CLRN1: variants seen among roughly 807,000 people sequenced by gnomAD.
The protein encoded by CLRN1 is clarin 1, also known as clarin-1.
In CLRN1, 15 loss-of-function variants were observed where a neutral mutation model predicts 18.7. The ratio of observed to expected loss-of-function variants is 0.80; its 90% confidence interval spans 0.54 to 1.23. The LOEUF is 1.23. Among genes scored for constraint, CLRN1 ranks in the 50% most tolerant of loss-of-function variants. The probability of loss-of-function intolerance (pLI) is 0.00; values close to 1 mark genes in which losing one functional copy is unlikely to be tolerated. For synonymous variants in CLRN1, 104 were observed against 102.9 expected, an observed-to-expected ratio of 1.01 and a Z score of -0.07; for missense variants, 311 against 277.5, an observed-to-expected ratio of 1.12 and a Z score of -0.86.
intron 2 of CLRN1, among the ~76,000 whole-genome samples, chr3:150,937,584 T>C (rs1270517522): frequency 6.8e-6 from 1 of 147,872 alleles, no homozygotes; most frequent in Non-Finnish European, 1.5e-5. Flanking sequence ...AAATGAACTA[T>C]GGGGGATGAT....
intron 1 of CLRN1, among the ~76,000 whole-genome samples, chr3:150,967,207 A>G (rs1715303368): frequency 6.6e-6 from 1 of 152,212 alleles, no homozygotes; most frequent in Non-Finnish European, 1.5e-5. Flanking sequence ...CTTGGGGATT[A>G]AGATCTCCTT....
chr3:150,928,333 G>T, intron 2 of CLRN1, 132 bp from the exon 3 acceptor site: 1 of 1,146,494 alleles, frequency 8.7e-7, no homozygotes, highest in Non-Finnish European at 1.2e-6. Context: ...AAAAATTATT[G>T]CATATTTGTA....
At chr3:150,947,739 C>A (rs530513985) in intron 1 of CLRN1, among the ~76,000 whole-genome samples, 47 of 152,260 alleles carry the variant, frequency 3.1e-4, no homozygotes, top group African/African-American at 9.9e-4. Flanking sequence ...GAAGTCAAGA[C>A]TAAGAAAATC....
At chr3:150,966,910 G>A (rs1363032798) in intron 1 of CLRN1, among the ~76,000 whole-genome samples, 3 of 152,118 alleles carry the variant, frequency 2.0e-5, no homozygotes, top group Non-Finnish European at 4.4e-5. Context: ...CTAGAACAGC[G>A]AGCCCCTCGT....
intron 1 of CLRN1, among the ~76,000 whole-genome samples, chr3:150,956,829 A>G (rs1209011809): frequency 2.0e-5 from 3 of 152,132 alleles, no homozygotes; most frequent in Non-Finnish European, 4.4e-5. Context: ...CCCTTGTCAG[A>G]TATTCCAAAC....
At chr3:150,939,919 T>A (rs1713713972) in intron 2 of CLRN1, among the ~76,000 whole-genome samples, 1 of 152,202 alleles carries the variant, frequency 6.6e-6, no homozygotes, top group South Asian at 2.1e-4. Context: ...GCAAAGCCCT[T>A]GGCCTTTGTT....
chr3:150,945,567 C>T (rs957437351), intron 1 of CLRN1: 9 of 1,286,912 alleles, frequency 7.0e-6, no homozygotes, highest in Non-Finnish European at 9.1e-6. Context: ...GGAGCATCCT[C>T]TTCGTAAATA....
intron 2 of CLRN1, among the ~76,000 whole-genome samples, chr3:150,935,733 A>G (rs1319981431): frequency 6.6e-6 from 1 of 151,402 alleles, no homozygotes; most frequent in Non-Finnish European, 1.5e-5. Flanking sequence ...GACTTCCCCA[A>G]TGGTTGAACT....
chr3:150,963,260 T>A (rs1400361763), intron 1 of CLRN1, among the ~76,000 whole-genome samples: 1 of 152,176 alleles, frequency 6.6e-6, no homozygotes, highest in African/African-American at 2.4e-5. Flanking sequence ...AGCATTCCTA[T>A]ACACCAATAA....
chr3:150,949,145 A>G (rs1714344846), intron 1 of CLRN1, among the ~76,000 whole-genome samples: 1 of 152,246 alleles, frequency 6.6e-6, no homozygotes, highest in African/African-American at 2.4e-5. Context: ...AAGACTTTTA[A>G]TAAAATTAAA....
At chr3:150,931,756 C>G (rs1713160577) in intron 2 of CLRN1, among the ~76,000 whole-genome samples, 1 of 152,180 alleles carries the variant, frequency 6.6e-6, no homozygotes, top group South Asian at 2.1e-4. Context: ...TCCTACATGT[C>G]TCTCTCCTCT....
At chr3:150,966,812 A>G (rs891387024) in intron 1 of CLRN1, among the ~76,000 whole-genome samples, 1 of 152,208 alleles carries the variant, frequency 6.6e-6, no homozygotes, top group Non-Finnish European at 1.5e-5. Flanking sequence ...CAGCATGTCT[A>G]ATGATGGTGG....
At position 150,968,885 on chromosome 3, in the gene CLRN1, G is replaced by A. The variant is rs117566055; in HGVS notation, c.253+3571C>T. 4.4e-4 allele frequency among the ~76,000 whole-genome samples: 67 copies of A among 152,178 alleles called. No individual in the cohort carries two copies. In the East Asian group the frequency reaches 0.011, roughly 25 times the overall value. The stretch of plus-strand genomic sequence containing the variant: ...CCAGACACTGCATATATTCCTGGCT[G>A]GTGTCTACCATACTTAGGGACCTCC... On this transcript the variant is annotated intron_variant, in intron 1 of 2. Coordinates refer to ENST00000327047, the MANE Select transcript of CLRN1 (RefSeq NM_174878.3).
intron 1 of CLRN1, chr3:150,944,057 G>A (rs1333261078): frequency 3.9e-6 from 3 of 769,560 alleles, no homozygotes; most frequent in Admixed American, 2.2e-5. Flanking sequence ...TAGGGTAATG[G>A]GATTTTGAGT....
chr3:150,936,025 A>G (rs1226716100), intron 2 of CLRN1, among the ~76,000 whole-genome samples: 3 of 151,638 alleles, frequency 2.0e-5, no homozygotes, highest in Non-Finnish European at 2.9e-5. Flanking sequence ...GTTTGAGTTC[A>G]CTGTAGATTC....
In CLRN1 at chr3:150,928,126, T is replaced by C. The variant is rs894160375; in HGVS notation, c.509A>G (p.Asn170Ser). ...GTAGACATAAGTCCCTTCTTTATAATTTGCAATTTTTTCTGAGAGGTGATG... is the reference window on the plus strand; with the variant it reads ...GTAGACATAAGTCCCTTCTTTATAACTTGCAATTTTTTCTGAGAGGTGATG... ...KIHHLSEKIA[N>S]YKEGTYVYKT... The change falls in exon 3 of 3, where the codon AAT (asparagine) becomes AGT (serine). Residue 170 changes from asparagine (N) to serine (S), a missense_variant. Physicochemically the swap from Asn to Ser is conservative, Grantham distance 46. Transcript: ENST00000327047. The C allele has an allele frequency of 3.1e-6, 5 of 1,613,374 alleles. No homozygotes were observed. The Admixed American group carries it at 8.4e-5, about 27-fold the overall frequency.
chr3:150,959,615 C>T (rs934628521), intron 1 of CLRN1, among the ~76,000 whole-genome samples: 11 of 133,654 alleles, frequency 8.2e-5, no homozygotes, highest in Non-Finnish European at 1.2e-4. Context: ...GACGACACAG[C>T]GAGACTTTGT....
intron 1 of CLRN1, among the ~76,000 whole-genome samples, chr3:150,949,557 A>G (rs1714378253): frequency 1.3e-5 from 2 of 152,144 alleles, no homozygotes; most frequent in Non-Finnish European, 2.9e-5. Flanking sequence ...CAACAATACC[A>G]AGCTGAGGGC....
chr3:150,941,524 G>GGT lies in CLRN1; in HGVS notation c.433+56_433+57dup. On this transcript the variant is annotated intron_variant, in intron 2 of 2. Transcript: ENST00000327047. ...ATTATAACTTTATATTTAGGTAGAC[G>GGT]GTCTTTTTGACATATTGAAAAGCAC... The GGT allele has an allele frequency of 4.0e-6, 6 of 1,508,008 alleles. No homozygotes were observed. In the South Asian group the frequency reaches 6.9e-5, roughly 17 times the overall value. The allele number at this position is 1,508,008 out of a possible 1,614,324, so 93.4% of individuals were successfully genotyped here.
Sources: allele counts gnomAD v4.1 joint callset (sites outside exome capture counted in the v4.1 genomes callset), GRCh38; gene constraint gnomAD v4.1.1; transcripts MANE v1.5; gene names NCBI Gene and HGNC (gene_info 2026-07-23, HGNC 2026-07-21).